The following VPS13B variants were observed in gnomAD, a reference collection of about 807,000 sequenced individuals.
The protein encoded by VPS13B is intermembrane lipid transfer protein VPS13B.
In VPS13B, 285 loss-of-function variants were observed where a neutral mutation model predicts 426.4. The ratio of observed to expected loss-of-function variants is 0.67; its 90% CI spans 0.61 to 0.74. The LOEUF (loss-of-function observed/expected upper bound fraction) is 0.74, where lower values mean the gene tolerates loss of function less well. VPS13B is among the 30% of genes least tolerant of loss of function. The probability of loss-of-function intolerance (pLI) is 0.00; values close to 1 mark genes in which losing one functional copy is unlikely to be tolerated. For missense variants in VPS13B, 4,537 were observed against 4,782.6 expected (o/e 0.95, Z 1.51); for synonymous variants, 1,676 against 1,676.4 (o/e 1.00, Z 0.01).
intron 17 of VPS13B, among the ~76,000 whole-genome samples, chr8:99,260,596 T>C (rs909215539): frequency 6.6e-6 from 1 of 152,058 alleles, no homozygotes; most frequent in Non-Finnish European, 1.5e-5. Context: ...TGTATTAACC[T>C]ATTTGCAATA....
intron 17 of VPS13B, among the ~76,000 whole-genome samples, chr8:99,256,135 C>T (rs1420118190): frequency 6.6e-6 from 1 of 152,104 alleles, no homozygotes; most frequent in East Asian, 1.9e-4. Flanking sequence ...TTTTTTCTGT[C>T]TGTACCCATT....
At chr8:99,596,093 C>G (rs1308380814) in intron 33 of VPS13B, among the ~76,000 whole-genome samples, 2 of 151,944 alleles carry the variant, frequency 1.3e-5, no homozygotes, top group East Asian at 3.9e-4. Flanking sequence ...GCTCCAGTGA[C>G]ATTTGGGGCA....
At chr8:99,791,547 G>A (rs529008594) in intron 43 of VPS13B, among the ~76,000 whole-genome samples, 24 of 152,020 alleles carry the variant, frequency 1.6e-4, no homozygotes, top group East Asian at 1.4e-3. Flanking sequence ...TTGAGAAGAC[G>A]GTCTAGAGAA....
intron 33 of VPS13B, among the ~76,000 whole-genome samples, chr8:99,640,265 A>C (rs1181823374): frequency 1.3e-5 from 2 of 151,686 alleles, no homozygotes; most frequent in East Asian, 3.9e-4. Flanking sequence ...TCCACTTTTT[A>C]AAAATATTTT....
At chr8:99,056,292 C>G (rs1210501057) in intron 3 of VPS13B, among the ~76,000 whole-genome samples, 1 of 152,022 alleles carries the variant, frequency 6.6e-6, no homozygotes, top group Non-Finnish European at 1.5e-5. Context: ...AACTCCTGGG[C>G]TCAAGCGATC....
intron 17 of VPS13B, among the ~76,000 whole-genome samples, chr8:99,250,647 T>G (rs1196638137): frequency 1.3e-5 from 2 of 149,190 alleles, no homozygotes; most frequent in Non-Finnish European, 3.0e-5. Context: ...TTCTGTCCAC[T>G]AATCCGTGTG....
At position 99,029,501 on chromosome 8, in the gene VPS13B, C is replaced by T. The variant is rs571435627; in HGVS notation, c.148-8922C>T. ...TGGGCACCATTGAGCACTGAGTGAA[C>T]GAGACTCCGTCTGCAATCCCGGCAC... On this transcript the variant is annotated intron_variant, in intron 2 of 61. Transcript: ENST00000357162. Among the ~76,000 whole-genome samples, 339 of 152,176 alleles carry T rather than the reference C, an allele frequency of 2.2e-3. 1 individual carries two copies. The highest frequency in any genetic ancestry group is 6.8e-3 in the Middle Eastern group (2 of 292).
At chr8:99,516,119 A>C (rs1298590953) in intron 29 of VPS13B, among the ~76,000 whole-genome samples, 1 of 152,148 alleles carries the variant, frequency 6.6e-6, no homozygotes, top group Non-Finnish European at 1.5e-5. Flanking sequence ...CCAAAGTTTC[A>C]GATTTTGACA....
chr8:99,799,642 TAC>T (rs1344121811), intron 43 of VPS13B, among the ~76,000 whole-genome samples: 1 of 152,194 alleles, frequency 6.6e-6, no homozygotes, highest in Non-Finnish European at 1.5e-5. Flanking sequence ...TAAAGATAAT[TAC>T]AGTTGTCCAC....
chr8:99,697,954 C>T, intron 35 of VPS13B: 1 of 413,010 alleles, frequency 2.4e-6, no homozygotes. Flanking sequence ...TTGTAGCGAC[C>T]TTGGAGAAAG....
intron 7 of VPS13B, among the ~76,000 whole-genome samples, chr8:99,119,912 G>C (rs1003191369): frequency 6.6e-6 from 1 of 151,688 alleles, no homozygotes; most frequent in East Asian, 1.9e-4. Context: ...CAGGGTCCAG[G>C]GTCTTGCTCT....
In VPS13B at chr8:99,556,447, C is replaced by A. The variant is rs199884841; in HGVS notation, c.4746-3C>A. ...ATTTTTGTTTTTTTCGCTGCCTTTA[C>A]AGGAGAGCCTTGAACTTAGGAATTC... On this transcript the variant is annotated splice_region_variant and splice_polypyrimidine_tract_variant and intron_variant, in intron 30 of 61. Transcript: ENST00000357162. 3.0e-5 allele frequency: 48 copies of A among 1,612,222 alleles called. No homozygotes were observed. The African/African-American group carries it at 5.2e-4, about 17-fold the overall frequency.
chr8:99,610,064 A>T (rs543259533), intron 33 of VPS13B, among the ~76,000 whole-genome samples: 1 of 152,284 alleles, frequency 6.6e-6, no homozygotes, highest in African/African-American at 2.4e-5. Flanking sequence ...TTTTTTTCTA[A>T]AACTAATATT....
chr8:99,262,398 C>T (rs1818089038), intron 17 of VPS13B, among the ~76,000 whole-genome samples: 1 of 152,112 alleles, frequency 6.6e-6, no homozygotes, highest in Admixed American at 6.5e-5. Context: ...TAAAGTTTCT[C>T]TTTTCAGAGG....
intron 30 of VPS13B, among the ~76,000 whole-genome samples, chr8:99,547,713 C>G (rs757082810): frequency 1.4e-4 from 21 of 152,186 alleles, no homozygotes; most frequent in Middle Eastern, 6.8e-3. Context: ...CTTTATCCTC[C>G]TACACCACCT....
intron 16 of VPS13B, among the ~76,000 whole-genome samples, chr8:99,184,979 G>T (rs1813142149): frequency 6.6e-6 from 1 of 152,132 alleles, no homozygotes; most frequent in Admixed American, 6.6e-5. Context: ...GACAGAGCGA[G>T]ACTCTGCTTT....
At chr8:99,772,354 T>C (rs181961429) in intron 40 of VPS13B, among the ~76,000 whole-genome samples, 1 of 152,216 alleles carries the variant, frequency 6.6e-6, no homozygotes, top group East Asian at 1.9e-4. Flanking sequence ...TAAAATAAAA[T>C]AGAAAATAGT....
intron 35 of VPS13B, among the ~76,000 whole-genome samples, chr8:99,666,364 A>G (rs574022071): frequency 4.6e-4 from 70 of 152,270 alleles, no homozygotes; most frequent in African/African-American, 1.6e-3. Flanking sequence ...AAAAGAGAGA[A>G]TTTTACACCA....
intron 3 of VPS13B, among the ~76,000 whole-genome samples, chr8:99,067,279 G>A (rs1284370426): frequency 6.6e-6 from 1 of 152,190 alleles, no homozygotes; most frequent in African/African-American, 2.4e-5. Context: ...TTAAGAAAAT[G>A]TGGCACATAT....
Sources: allele counts gnomAD v4.1 joint callset (sites outside exome capture counted in the v4.1 genomes callset), GRCh38; gene constraint gnomAD v4.1.1; transcripts MANE v1.5; gene names NCBI Gene and HGNC (gene_info 2026-07-23, HGNC 2026-07-21).